FLNB: variants seen among roughly 807,000 people sequenced by gnomAD.
The protein encoded by FLNB is filamin B.
Under a neutral mutation model 250.6 loss-of-function variants are expected in FLNB, and 111 were observed. The observed-to-expected ratio is 0.44, with a 90% CI of 0.38 to 0.52. FLNB has a LOEUF of 0.52. Ranked by LOEUF, FLNB falls within the 20% of genes least tolerant of loss-of-function variation. The pLI is 0.00. For missense variants in FLNB, 2,869 were observed against 3,447.8 expected (o/e 0.83, Z 4.20); for synonymous variants, 1,302 against 1,372.1 (o/e 0.95, Z 1.13).
intron 1 of FLNB, among the ~76,000 whole-genome samples, chr3:58,021,078 A>T (rs1230459182): frequency 6.6e-6 from 1 of 152,206 alleles, no homozygotes; most frequent in African/African-American, 2.4e-5. Context: ...TCTTGTGCGT[A>T]TCACCCTGGT....
intron 34 of FLNB, 73 bp downstream of exon 34, chr3:58,147,066 G>T: frequency 6.7e-7 from 1 of 1,494,214 alleles, no homozygotes; most frequent in Non-Finnish European, 9.3e-7. Context: ...CTCCTTATCA[G>T]ACCCCTGGCA....
In FLNB at chr3:58,008,541, CA is replaced by C; in HGVS notation, c.-23del. 1.9e-6 allele frequency: 3 copies of C among 1,567,880 alleles called. No homozygotes were observed. Among genetic ancestry groups the C allele is most frequent in the Middle Eastern group, 2.3e-4 (1 of 4,414 alleles). ...CACCAGTCCCCGGCAGCTCGTTGCG[CA>C]TTGCGCTCTCCCCGCCACCAGGATG... is the stretch of plus-strand genomic sequence containing the variant. On this transcript the variant is annotated 5_prime_UTR_variant, in exon 1 of 46. Transcript: ENST00000295956.
intron 12 of FLNB, 64 bp downstream of exon 12, chr3:58,106,937 G>A (rs1559697458): frequency 1.2e-5 from 17 of 1,414,380 alleles, no homozygotes; most frequent in African/African-American, 1.4e-5. Context: ...CCCCATGCCC[G>A]AAGTTGCCTT....
At chr3:58,009,339 C>T (rs2097094978) in intron 1 of FLNB, among the ~76,000 whole-genome samples, 1 of 152,162 alleles carries the variant, frequency 6.6e-6, no homozygotes, top group Admixed American at 6.5e-5. Context: ...GAACCGTTCT[C>T]TGCGCCTGGG....
At chr3:58,030,999 C>T (rs1036177334) in intron 1 of FLNB, among the ~76,000 whole-genome samples, 2 of 152,056 alleles carry the variant, frequency 1.3e-5, no homozygotes, top group African/African-American at 4.8e-5. Context: ...GCTATGATAC[C>T]GTTTATATGA....
chr3:58,136,504 A>G (rs991862737), intron 28 of FLNB, among the ~76,000 whole-genome samples: 6 of 152,170 alleles, frequency 3.9e-5, no homozygotes, highest in Non-Finnish European at 8.8e-5. Context: ...GCTCCCATGA[A>G]AAGCAGCACA....
At chr3:58,147,960 A>G (rs2097338316) in intron 34 of FLNB, among the ~76,000 whole-genome samples, 1 of 152,204 alleles carries the variant, frequency 6.6e-6, no homozygotes, top group Admixed American at 6.5e-5. Flanking sequence ...GATTCCTTTA[A>G]AATGTGGTCC....
chr3:58,029,727 A>G (rs2097128226), intron 1 of FLNB, among the ~76,000 whole-genome samples: 1 of 151,826 alleles, frequency 6.6e-6, no homozygotes, highest in African/African-American at 2.4e-5. Context: ...CTGGTCTCGA[A>G]CTACTGACCC....
intron 41 of FLNB, 45 bp downstream of exon 41, chr3:58,156,120 G>A: frequency 2.1e-6 from 3 of 1,437,700 alleles, no homozygotes; most frequent in Non-Finnish European, 2.9e-6. Flanking sequence ...CAGGCCACCA[G>A]TGAGACCCCT....
chr3:58,019,796 C>T (rs1309708585), intron 1 of FLNB, among the ~76,000 whole-genome samples: 2 of 152,158 alleles, frequency 1.3e-5, no homozygotes, highest in East Asian at 3.9e-4. Context: ...ATATCTTTTC[C>T]CACACCGTGG....
In FLNB at chr3:58,078,514, G is replaced by A; in HGVS notation, c.542-203G>A. 2 of 1,536,476 alleles carry A rather than the reference G, an allele frequency of 1.3e-6. No homozygotes were observed. Among genetic ancestry groups the A allele is most frequent in the Non-Finnish European group, 1.7e-6 (2 of 1,146,838 alleles). On this transcript the variant is annotated intron_variant, in intron 2 of 45. Coordinates refer to ENST00000295956, the MANE Select transcript of FLNB (RefSeq NM_001457.4). The stretch of plus-strand genomic sequence containing the variant: ...CAAGAACATAGCACCCGGAGGAGAA[G>A]TCTCAGTAATGGAGGATAGTTTACA...
intron 1 of FLNB, among the ~76,000 whole-genome samples, chr3:58,048,480 A>C (rs745429748): frequency 6.6e-6 from 1 of 152,126 alleles, no homozygotes; most frequent in Non-Finnish European, 1.5e-5. Context: ...CAAGTTGAAT[A>C]TTTTTGGCTA....
chr3:58,150,473 C>A, intron 38 of FLNB: 1 of 563,302 alleles, frequency 1.8e-6, no homozygotes, highest in Non-Finnish European at 3.2e-6. Context: ...TTTATTGTGT[C>A]ACATGGGGGA....
chr3:58,063,337 A>T (rs896845154), intron 1 of FLNB, among the ~76,000 whole-genome samples: 1 of 152,162 alleles, frequency 6.6e-6, no homozygotes, highest in Non-Finnish European at 1.5e-5. Context: ...ACCCGTAAGA[A>T]GGAGGTCGGT....
chr3:58,154,561 A>C, intron 39 of FLNB: 4 of 469,408 alleles, frequency 8.5e-6, no homozygotes, highest in Non-Finnish European at 7.8e-6. Context: ...AAAAAAAAAA[A>C]GACATGTCTT....
intron 1 of FLNB, among the ~76,000 whole-genome samples, chr3:58,020,263 C>G (rs2097111858): frequency 6.6e-6 from 1 of 152,182 alleles, no homozygotes; most frequent in African/African-American, 2.4e-5. Flanking sequence ...GTGAGCCCAG[C>G]AACTGCACCC....
At chr3:58,065,458 C>A (rs1298264458) in intron 1 of FLNB, among the ~76,000 whole-genome samples, 1 of 152,244 alleles carries the variant, frequency 6.6e-6, no homozygotes, top group Non-Finnish European at 1.5e-5. Context: ...GATTCTCCCC[C>A]TGTGTCACTT....
intron 1 of FLNB, among the ~76,000 whole-genome samples, chr3:58,039,892 C>T (rs2097143631): frequency 6.6e-6 from 1 of 152,122 alleles, no homozygotes; most frequent in African/African-American, 2.4e-5. Flanking sequence ...TGCCTGTAAT[C>T]CCAGCACTTT....
chr3:58,102,313 G>C lies in FLNB; in HGVS notation c.1456G>C (p.Glu486Gln). ...KVDTKAAGSG[E>Q]LGVTMKGPKG... ...TGACACCAAAGCTGCAGGAAGTGGG[G>C]AGCTCGGTGTAACCATGAAGGGTCC... Residue 486 changes from glutamate to glutamine, a missense_variant, in exon 9 of 46, where the codon GAG (glutamate) becomes CAG (glutamine). Transcript: ENST00000295956. 6.2e-7 allele frequency: 1 copy of C among 1,614,204 alleles called. No homozygotes were observed. The highest frequency in any genetic ancestry group is 8.5e-7 in the Non-Finnish European group (1 of 1,180,028).
Sources: allele counts gnomAD v4.1 joint callset (sites outside exome capture counted in the v4.1 genomes callset), GRCh38; gene constraint gnomAD v4.1.1; transcripts MANE v1.5; gene names NCBI Gene and HGNC (gene_info 2026-07-23, HGNC 2026-07-21).